Variants in POU3F3 observed in about 807,000 individuals in gnomAD.
POU3F3 encodes POU domain, class 3, transcription factor 3.
POU3F3 carries 1 observed loss-of-function variant against 8.6 expected under a neutral mutation model. That is an observed-to-expected ratio of 0.12 (90% CI 0.04 to 0.55). POU3F3 has a LOEUF of 0.55. POU3F3 is among the 20% of genes least tolerant of loss of function. POU3F3 has a pLI of 0.91. For synonymous variants in POU3F3, 418 were observed against 327.4 expected, an observed-to-expected ratio of 1.28 and a Z score of -2.99; for missense variants, 577 against 690.7, an observed-to-expected ratio of 0.84 and a Z score of 1.84.
chr2:104,855,612 T>TGGCGGCGGCGGCGGCGGGGGC lies in POU3F3; in HGVS notation c.119_120insGGGCGGCGGCGGCGGCGGCGG (p.Gly37_Gly43dup). On this transcript the variant is annotated inframe_insertion, in exon 1 of 1. Transcript: ENST00000361360. ...CGGCAGGGGCTGGCGGCGGCGGGGG[T>TGGCGGCGGCGGCGGCGGGGGC]GGCGGCGGCGGCGGCGGCGGGGGCG... The TGGCGGCGGCGGCGGCGGGGGC allele has an allele frequency of 1.6e-6, 1 of 643,542 alleles. No individual in the cohort carries two copies. Among genetic ancestry groups the TGGCGGCGGCGGCGGCGGGGGC allele is most frequent in the Non-Finnish European group, 1.7e-6 (1 of 577,012 alleles). 39.9% of individuals were successfully genotyped at this position (643,542 alleles called of 1,614,324 possible). A position where few individuals can be genotyped will look rare whatever the true frequency, so the allele number is the denominator to read the frequency against.
chr2:104,914,073 A>T, the POU3F3 span, among the ~76,000 whole-genome samples: 2 of 152,180 alleles, frequency 1.3e-5, no homozygotes, highest in African/African-American at 4.8e-5. Flanking sequence ...TACTCTCTGC[A>T]TATGTTCTTG....
At chr2:104,898,614 T>C in the POU3F3 span, among the ~76,000 whole-genome samples, 3 of 152,318 alleles carry the variant, frequency 2.0e-5, no homozygotes, top group Non-Finnish European at 1.5e-5. Flanking sequence ...GTAAAGCATA[T>C]CATAGTGGTC....
chr2:104,912,414 A>C, the POU3F3 span, among the ~76,000 whole-genome samples: 1 of 151,832 alleles, frequency 6.6e-6, no homozygotes, highest in Non-Finnish European at 1.5e-5. Context: ...GCTGTTGAGC[A>C]CCATTTAAAA....
At chr2:104,863,198 T>TATC (rs1338393826), downstream of POU3F3, among the ~76,000 whole-genome samples, 1 of 144,478 alleles carries the variant, frequency 6.9e-6, no homozygotes, top group East Asian at 2.0e-4. Flanking sequence ...TTATTATTAT[T>TATC]ATTATTATTC....
chr2:104,927,282 A>ATCC, the POU3F3 span, among the ~76,000 whole-genome samples: 1 of 152,030 alleles, frequency 6.6e-6, no homozygotes. Flanking sequence ...TTTGGGGCAC[A>ATCC]CAGACATCCA....
At chr2:104,921,307 G>T in the POU3F3 span, among the ~76,000 whole-genome samples, 1 of 152,224 alleles carries the variant, frequency 6.6e-6, no homozygotes, top group African/African-American at 2.4e-5. Flanking sequence ...CAGAATTCTG[G>T]GAAGATGGCA....
chr2:104,866,009 G>A, the POU3F3 span: 1 of 152,100 alleles, frequency 6.6e-6, no homozygotes, highest in African/African-American at 2.4e-5. Flanking sequence ...CATTTCATGG[G>A]GAGAAATCTT....
In POU3F3 at chr2:104,855,682, G is replaced by T; in HGVS notation, c.172G>T (p.Val58Leu). ...GGGMQPGSAAVTSGAYRGDPS... is the reference protein window; with the variant it reads ...GGGMQPGSAALTSGAYRGDPS... ...CGGCATGCAGCCGGGCAGCGCCGCCGTGACCTCGGGCGCCTACCGGGGGGA... is the reference window on the plus strand; with the variant it reads ...CGGCATGCAGCCGGGCAGCGCCGCCTTGACCTCGGGCGCCTACCGGGGGGA... The change falls in exon 1 of 1, where the codon GTG becomes TTG. Residue 58 changes from valine to leucine, a missense_variant. By Grantham distance (32) the Val-to-Leu change is conservative. Coordinates refer to ENST00000361360, the MANE Select transcript of POU3F3 (RefSeq NM_006236.3). 2 of 1,160,078 alleles carry T rather than the reference G, an allele frequency of 1.7e-6. No individual in the cohort carries two copies. Among genetic ancestry groups the T allele is most frequent in the Non-Finnish European group, 2.2e-6 (2 of 927,826 alleles). 71.9% of individuals were successfully genotyped at this position (1,160,078 alleles called of 1,614,324 possible). A position where few individuals can be genotyped will look rare whatever the true frequency, so the allele number is the denominator to read the frequency against.
Position 104,856,960 on chromosome 2 carries a change from G to A in POU3F3, c.1450G>A (p.Val484Met), listed in dbSNP as rs950008916. The change falls in exon 1 of 1, where the codon GTG becomes ATG. Residue 484 changes from valine to methionine, a missense_variant. Coordinates refer to ENST00000361360, the MANE Select transcript of POU3F3 (RefSeq NM_006236.3). Reference sequence around the variant, plus strand: ...CGACGTCTACTCGCAGGTGGGCACCGTGAGCGCCGACACGCCGCCGCCTCA... The same window carrying A: ...CGACGTCTACTCGCAGGTGGGCACCATGAGCGCCGACACGCCGCCGCCTCA... Reference protein sequence around the residue: ...PDDVYSQVGTVSADTPPPHHG... With the variant: ...PDDVYSQVGTMSADTPPPHHG... 1.9e-6 allele frequency: 3 copies of A among 1,611,792 alleles called. No homozygotes were observed. The highest frequency in any genetic ancestry group is 1.3e-5 in the African/African-American group (1 of 74,874).
chr2:104,893,289 C>T, the POU3F3 span, among the ~76,000 whole-genome samples: 1 of 152,208 alleles, frequency 6.6e-6, no homozygotes, highest in Non-Finnish European at 1.5e-5. Context: ...GATCCCTCGT[C>T]ATTGGACCAG....
the POU3F3 span, among the ~76,000 whole-genome samples, chr2:104,916,599 T>C: frequency 6.6e-6 from 1 of 152,118 alleles, no homozygotes; most frequent in African/African-American, 2.4e-5. Context: ...CAGCAGGAGG[T>C]ATCTAAGAGG....
At position 104,856,864 on chromosome 2, in the gene POU3F3, G is replaced by C; in HGVS notation, c.1354G>C (p.Val452Leu). ...GCAGCTCGAGAAGGAGGTGGTGCGGGTCTGGTTCTGCAATCGGCGCCAAAA... is the reference window on the plus strand; with the variant it reads ...GCAGCTCGAGAAGGAGGTGGTGCGGCTCTGGTTCTGCAATCGGCGCCAAAA... ...SLQLEKEVVR[V>L]WFCNRRQKEK... The change falls in exon 1 of 1, where the codon GTC (valine) becomes CTC (leucine). Residue 452 changes from valine to leucine, a missense_variant. Around this residue, in one of 7 missense-constraint regions of POU3F3, gnomAD observed 1 missense variants for 34.8 expected, o/e 0.03. Transcript: ENST00000361360. 1 of 1,614,082 alleles carries C rather than the reference G, an allele frequency of 6.2e-7. No individual in the cohort carries two copies. The highest frequency in any genetic ancestry group is 8.5e-7 in the Non-Finnish European group (1 of 1,180,000).
At chr2:104,871,787 T>C in the POU3F3 span, among the ~76,000 whole-genome samples, 1 of 152,124 alleles carries the variant, frequency 6.6e-6, no homozygotes, top group African/African-American at 2.4e-5. Flanking sequence ...AGAATTGAGG[T>C]CACATGGCTG....
At position 104,856,098 on chromosome 2, in the gene POU3F3, A is replaced by AGCCGCC. The variant is rs771609174; in HGVS notation, c.606_611dup (p.Ala203_Ala204dup). ...GGGCGGCCGCCGCTGCCGCAGCCGCAGCCGCCGCCGCCGCCGCCGCCGCGC... is the reference window on the plus strand; with the variant it reads ...GGGCGGCCGCCGCTGCCGCAGCCGCAGCCGCCGCCGCCGCCGCCGCCGCCGCCGCGC... On this transcript the variant is annotated inframe_insertion, in exon 1 of 1. Coordinates refer to ENST00000361360, the MANE Select transcript of POU3F3 (RefSeq NM_006236.3). 24 of 1,041,536 alleles carry AGCCGCC rather than the reference A, an allele frequency of 2.3e-5. No individual in the cohort carries two copies. The highest frequency in any genetic ancestry group is 7.9e-5 in the East Asian group (1 of 12,636). 64.5% of individuals were successfully genotyped at this position (1,041,536 alleles called of 1,614,324 possible).
the POU3F3 span, among the ~76,000 whole-genome samples, chr2:104,910,597 C>T: frequency 6.6e-6 from 1 of 152,160 alleles, no homozygotes; most frequent in Non-Finnish European, 1.5e-5. Flanking sequence ...CAGTGAAGTG[C>T]TTAGTAGGCT....
At chr2:104,910,869 AAAT>A in the POU3F3 span, among the ~76,000 whole-genome samples, 1 of 152,206 alleles carries the variant, frequency 6.6e-6, no homozygotes, top group African/African-American at 2.4e-5. Flanking sequence ...ATAAAAAGAC[AAAT>A]ACAACAATAA....
the POU3F3 span, among the ~76,000 whole-genome samples, chr2:104,897,086 G>C: frequency 6.6e-6 from 1 of 152,320 alleles, no homozygotes; most frequent in East Asian, 1.9e-4. Context: ...AGGAATACCT[G>C]ATAGTCCAGA....
At chr2:104,887,975 C>G in the POU3F3 span, among the ~76,000 whole-genome samples, 1 of 152,166 alleles carries the variant, frequency 6.6e-6, no homozygotes, top group African/African-American at 2.4e-5. Flanking sequence ...TAAAATTTTT[C>G]TTTTGTAGGA....
the POU3F3 span, among the ~76,000 whole-genome samples, chr2:104,917,882 G>C: frequency 7.2e-5 from 11 of 152,212 alleles, no homozygotes; most frequent in African/African-American, 2.7e-4. Flanking sequence ...TTGGGGAATG[G>C]GGCAAGAGAA....
Sources: gnomAD v4.1 joint callset for allele counts (sites outside exome capture counted in the v4.1 genomes callset) on GRCh38, gnomAD v4.1.1 for gene constraint, gnomAD v4.1.1 regional missense constraint, MANE v1.5 for transcripts, NCBI Gene and HGNC (gene_info 2026-07-23, HGNC 2026-07-21) for gene names.